Variants in PRKN observed in about 807,000 individuals in gnomAD.
PRKN encodes parkin RBR E3 ubiquitin protein ligase.
PRKN carries 56 observed loss-of-function variants against 59.5 expected under a neutral mutation model. That is an observed-to-expected ratio of 0.94 (90% CI 0.76 to 1.18). The LOEUF is 1.18. Ranked by LOEUF, PRKN falls within the 50% of genes most tolerant of loss-of-function variation. The probability of loss-of-function intolerance (pLI) is 0.00; values close to 1 mark genes in which losing one functional copy is unlikely to be tolerated. For missense variants in PRKN, 657 were observed against 596.4 expected, an observed-to-expected ratio of 1.10 and a Z score of -1.06; for synonymous variants, 250 against 222.1, an observed-to-expected ratio of 1.13 and a Z score of -1.12.
In PRKN at chr6:161,354,340, G is replaced by C. The variant is rs1311651002; in HGVS notation, c.1286-4129C>G. Among the ~76,000 whole-genome samples the C allele has an allele frequency of 6.6e-6, 1 of 152,202 alleles. No homozygotes were observed. Among genetic ancestry groups the C allele is most frequent in the Non-Finnish European group, 1.5e-5 (1 of 68,048 alleles). Reference sequence around the variant, plus strand: ...AAGGGAATATGGCTTCCTTTGTAGTGAGTTCTGTCTGCAGATGGACACTCA... The same window carrying C: ...AAGGGAATATGGCTTCCTTTGTAGTCAGTTCTGTCTGCAGATGGACACTCA... On this transcript the variant is annotated intron_variant, in intron 11 of 11. Coordinates refer to ENST00000366898, the MANE Select transcript of PRKN (RefSeq NM_004562.3). The surrounding 1 kb of genome is among the most constrained non-coding windows in gnomAD (Gnocchi z 6.7).
At chr6:161,590,822 C>T (rs1414764731) in intron 7 of PRKN, among the ~76,000 whole-genome samples, 2 of 151,606 alleles carry the variant, frequency 1.3e-5, no homozygotes, top group Non-Finnish European at 2.9e-5. Flanking sequence ...TACAAAATAA[C>T]TGTCCTGCGC....
intron 1 of PRKN, among the ~76,000 whole-genome samples, chr6:162,655,666 C>A (rs1373887571): frequency 6.6e-6 from 1 of 152,052 alleles, no homozygotes; most frequent in Non-Finnish European, 1.5e-5. Context: ...AGGAAAGATT[C>A]AATTACTTGG....
At chr6:162,727,246 T>C in intron 1 of PRKN, 1 of 175,362 alleles carries the variant, frequency 5.7e-6, no homozygotes, top group Non-Finnish European at 1.1e-5. Context: ...TGGGTCTCGA[T>C]GGGTCCTGAA....
intron 8 of PRKN, among the ~76,000 whole-genome samples, chr6:161,555,754 C>T (rs1780213195): frequency 6.6e-6 from 1 of 152,174 alleles, no homozygotes; most frequent in Admixed American, 6.5e-5. Context: ...TCCTTTTGTG[C>T]ATCCACATGG....
rs144471314 is a variant in PRKN at position 161,470,188 on chromosome 6, C to G, written c.1083+78666G>C. ...TAGACAGTCTGAGCCTTGTAACCTACACTAAAATAATGGTGTACAGTCTAT... is the reference window on the plus strand; with the variant it reads ...TAGACAGTCTGAGCCTTGTAACCTAGACTAAAATAATGGTGTACAGTCTAT... On this transcript the variant is annotated intron_variant, in intron 9 of 11. Transcript: ENST00000366898. This position sits in a 1 kb window ranked among gnomAD's most constrained non-coding sequence, Gnocchi z 5.1. Among the ~76,000 whole-genome samples, 1,696 of 152,326 alleles carry G rather than the reference C, an allele frequency of 0.011. 20 individuals carry two copies. Among genetic ancestry groups the G allele is most frequent in the Non-Finnish European group, 0.016 (1,084 of 68,044 alleles).
At chr6:161,919,776 T>C (rs181976585) in intron 6 of PRKN, among the ~76,000 whole-genome samples, 5 of 152,338 alleles carry the variant, frequency 3.3e-5, no homozygotes, top group African/African-American at 7.2e-5. Context: ...AGGGGTCTAC[T>C]ACATGTGATT....
chr6:162,523,338 G>T (rs1000696853), intron 1 of PRKN, among the ~76,000 whole-genome samples: 2 of 152,148 alleles, frequency 1.3e-5, no homozygotes, highest in African/African-American at 2.4e-5. Context: ...GCGATGGAAA[G>T]TAGAAATAGT....
intron 2 of PRKN, among the ~76,000 whole-genome samples, chr6:162,338,776 C>T (rs1180791816): frequency 3.3e-5 from 5 of 149,572 alleles, no homozygotes; most frequent in South Asian, 4.3e-4. Flanking sequence ...GGAGCGTCTC[C>T]GCCCGGCCGC....
At chr6:162,683,125 A>C (rs1001981271) in intron 1 of PRKN, among the ~76,000 whole-genome samples, 6 of 152,208 alleles carry the variant, frequency 3.9e-5, no homozygotes, top group Non-Finnish European at 8.8e-5. Context: ...TTTTAATAAG[A>C]GAGCCAAGAA....
At chr6:162,342,790 A>T (rs897066116) in intron 2 of PRKN, among the ~76,000 whole-genome samples, 2 of 152,148 alleles carry the variant, frequency 1.3e-5, no homozygotes, top group Non-Finnish European at 2.9e-5. Flanking sequence ...TGATGATTTT[A>T]AAAAATATTA....
chr6:162,650,376 T>A (rs546539073), intron 1 of PRKN, among the ~76,000 whole-genome samples: 56 of 151,946 alleles, frequency 3.7e-4, no homozygotes, highest in Admixed American at 1.8e-3. Flanking sequence ...GGCGGGCGGA[T>A]CACGAGGTCA....
At chr6:161,973,255 T>G (rs894329504) in intron 6 of PRKN, 47 bp downstream of exon 6, 2 of 1,235,804 alleles carry the variant, frequency 1.6e-6, no homozygotes, top group Non-Finnish European at 2.4e-6. Flanking sequence ...TTTTAGATCC[T>G]TACCTCACGT....
At chr6:162,248,422 A>G (rs773826078) in intron 3 of PRKN, among the ~76,000 whole-genome samples, 3 of 152,154 alleles carry the variant, frequency 2.0e-5, no homozygotes, top group Non-Finnish European at 2.9e-5. Flanking sequence ...ATTAGTATCA[A>G]ACTGGTTTCT....
At chr6:162,199,686 G>A (rs1019254693) in intron 4 of PRKN, among the ~76,000 whole-genome samples, 5 of 152,114 alleles carry the variant, frequency 3.3e-5, no homozygotes, top group African/African-American at 1.2e-4. Context: ...AAAGAGCCCC[G>A]TGGGCATCAT....
At chr6:162,310,130 A>G (rs187802553) in intron 2 of PRKN, among the ~76,000 whole-genome samples, 1 of 152,292 alleles carries the variant, frequency 6.6e-6, no homozygotes, top group East Asian at 1.9e-4. Flanking sequence ...AGACGGGAAG[A>G]CAAAGAGAGA....
chr6:161,594,961 C>T (rs556355517), intron 7 of PRKN, among the ~76,000 whole-genome samples: 2 of 152,286 alleles, frequency 1.3e-5, no homozygotes, highest in South Asian at 2.1e-4. Context: ...AGTTCTTCAA[C>T]TACATGAACA....
At chr6:161,900,556 T>TATATGTTATATATTATGTA (rs1562376781) in intron 6 of PRKN, among the ~76,000 whole-genome samples, 2 of 21,962 alleles carry the variant, frequency 9.1e-5, no homozygotes, top group Non-Finnish European at 1.7e-4. Context: ...ATACATATTT[T>TATATGTTATATATTATGTA]ATATGTTATA....
intron 6 of PRKN, among the ~76,000 whole-genome samples, chr6:161,906,756 C>G (rs769970239): frequency 6.6e-6 from 1 of 150,566 alleles, no homozygotes; most frequent in Non-Finnish European, 1.5e-5. Flanking sequence ...GTCACAAAAC[C>G]TCAAAAGTAG....
chr6:161,963,094 G>C (rs1344842829), intron 6 of PRKN, among the ~76,000 whole-genome samples: 1 of 152,150 alleles, frequency 6.6e-6, no homozygotes, highest in Non-Finnish European at 1.5e-5. Flanking sequence ...AGTGAGCCAA[G>C]ATTGAGCCAT....
Sources: allele counts gnomAD v4.1 joint callset (sites outside exome capture counted in the v4.1 genomes callset), GRCh38; gene constraint gnomAD v4.1.1; non-coding constraint Gnocchi (gnomAD v3.1); transcripts MANE v1.5; gene names NCBI Gene and HGNC (gene_info 2026-07-23, HGNC 2026-07-21).